The following GPC5 variants were observed in gnomAD, a reference collection of about 807,000 sequenced individuals.
The protein encoded by GPC5 is glypican-5.
In GPC5, 47 loss-of-function variants were observed where a neutral mutation model predicts 53.9. The ratio of observed to expected loss-of-function variants is 0.87; its 90% CI spans 0.69 to 1.11. The LOEUF (loss-of-function observed/expected upper bound fraction) is 1.11. Among genes scored for constraint, GPC5 ranks in the 50% most tolerant of loss-of-function variants. The pLI, the probability that GPC5 is intolerant of heterozygous loss-of-function variation, is 0.00. For missense variants in GPC5, 748 were observed against 713.1 expected, an observed-to-expected ratio of 1.05 and a Z score of -0.56; for synonymous variants, 286 against 263.3, an observed-to-expected ratio of 1.09 and a Z score of -0.84.
intron 2 of GPC5, among the ~76,000 whole-genome samples, chr13:91,587,843 A>G (rs1406380921): frequency 6.6e-6 from 1 of 152,152 alleles, no homozygotes; most frequent in Non-Finnish European, 1.5e-5. Flanking sequence ...TGAAGACTTA[A>G]GCTTGTGTGA....
intron 7 of GPC5, among the ~76,000 whole-genome samples, chr13:92,327,852 T>C (rs2043262663): frequency 6.6e-6 from 1 of 152,166 alleles, no homozygotes; most frequent in South Asian, 2.1e-4. Context: ...AAACACAGCC[T>C]TCTCATTCTT....
chr13:91,573,636 T>G (rs1237253000), intron 2 of GPC5, among the ~76,000 whole-genome samples: 1 of 152,188 alleles, frequency 6.6e-6, no homozygotes, highest in Non-Finnish European at 1.5e-5. Context: ...GTTTTAAACC[T>G]GTAAATTTTA....
intron 7 of GPC5, among the ~76,000 whole-genome samples, chr13:92,608,984 T>C (rs1884347062): frequency 6.6e-6 from 1 of 152,184 alleles, no homozygotes; most frequent in Non-Finnish European, 1.5e-5. Context: ...TTTTCCTGTC[T>C]TGAAAAACTG....
At chr13:91,895,848 T>C (rs1450789628) in intron 5 of GPC5, among the ~76,000 whole-genome samples, 1 of 151,990 alleles carries the variant, frequency 6.6e-6, no homozygotes, top group East Asian at 1.9e-4. Flanking sequence ...AAATCTGAAA[T>C]CAGTGTAATT....
chr13:92,392,799 A>G (rs986767986), intron 7 of GPC5, among the ~76,000 whole-genome samples: 1 of 152,224 alleles, frequency 6.6e-6, no homozygotes, highest in Admixed American at 6.5e-5. Flanking sequence ...ATATAAAAAA[A>G]GCTCAGTATC....
At chr13:91,406,179 C>T (rs529410896) in intron 1 of GPC5, among the ~76,000 whole-genome samples, 148 of 152,302 alleles carry the variant, frequency 9.7e-4, no homozygotes, top group Middle Eastern at 3.4e-3. Context: ...GTATCTGGTG[C>T]ATAGAACAGG....
intron 7 of GPC5, among the ~76,000 whole-genome samples, chr13:92,582,607 G>T (rs1187623371): frequency 6.6e-6 from 1 of 152,084 alleles, no homozygotes; most frequent in Non-Finnish European, 1.5e-5. Flanking sequence ...GCTTTTAACA[G>T]TATTAAGTCT....
At chr13:91,571,908 A>ACACATATACGTGTGTG (rs2031858842) in intron 2 of GPC5, among the ~76,000 whole-genome samples, 1 of 57,914 alleles carries the variant, frequency 1.7e-5, no homozygotes, top group African/African-American at 1.0e-4. Context: ...CACATATTGT[A>ACACATATACGTGTGTG]TATATACACA....
rs1396750473 is a variant in GPC5, at chr13:91,986,918, A to G, written c.1401+78861A>G. Among the ~76,000 whole-genome samples the G allele has an allele frequency of 2.1e-5, 3 of 140,920 alleles. No homozygotes were observed. The South Asian group carries it at 6.4e-4, about 30-fold the overall frequency. 92.4% of individuals were successfully genotyped at this position (140,920 alleles called of 152,430 possible). A position where few individuals can be genotyped will look rare whatever the true frequency, so the allele number is the denominator to read the frequency against. On this transcript the variant is annotated intron_variant, in intron 6 of 7. Transcript: ENST00000377067. Reference sequence around the variant, plus strand: ...CCAATGGATTCTTGTGTAGATAGTTACAAGGTGACTGTGGCTGAATGCTTC... The same window carrying G: ...CCAATGGATTCTTGTGTAGATAGTTGCAAGGTGACTGTGGCTGAATGCTTC...
At chr13:92,599,779 G>A (rs573759784) in intron 7 of GPC5, among the ~76,000 whole-genome samples, 1 of 149,256 alleles carries the variant, frequency 6.7e-6, no homozygotes, top group African/African-American at 2.5e-5. Context: ...AATTTTCCTG[G>A]ATTAAGAGAG....
intron 7 of GPC5, among the ~76,000 whole-genome samples, chr13:92,410,348 A>G (rs1335472170): frequency 6.6e-6 from 1 of 152,196 alleles, no homozygotes; most frequent in African/African-American, 2.4e-5. Context: ...TACATTTTAG[A>G]TAATTAATCT....
At chr13:92,047,616 T>G (rs558840704) in intron 6 of GPC5, among the ~76,000 whole-genome samples, 1 of 151,524 alleles carries the variant, frequency 6.6e-6, no homozygotes, top group African/African-American at 2.4e-5. Context: ...TATTTTGCAG[T>G]AGTTTTATTT....
chr13:92,752,530 G>A (rs908474956), intron 7 of GPC5, among the ~76,000 whole-genome samples: 6 of 152,170 alleles, frequency 3.9e-5, no homozygotes, highest in South Asian at 2.1e-4. Flanking sequence ...AGCTCCCAGC[G>A]TGAGCGACGC....
At chr13:91,421,315 A>G (rs1878614076) in intron 1 of GPC5, among the ~76,000 whole-genome samples, 1 of 152,188 alleles carries the variant, frequency 6.6e-6, no homozygotes, top group Non-Finnish European at 1.5e-5. Context: ...TCTTTTAACA[A>G]TTGTATACTG....
At chr13:92,820,523 G>A (rs1877638303) in intron 7 of GPC5, among the ~76,000 whole-genome samples, 1 of 151,972 alleles carries the variant, frequency 6.6e-6, no homozygotes, top group Admixed American at 6.6e-5. Context: ...TCCTTTAGTT[G>A]TCTGCCATTA....
intron 7 of GPC5, among the ~76,000 whole-genome samples, chr13:92,775,234 A>G (rs1313550941): frequency 1.3e-5 from 2 of 152,226 alleles, no homozygotes; most frequent in African/African-American, 4.8e-5. Context: ...TTCAGGAAAT[A>G]ATGGCATTTC....
intron 7 of GPC5, among the ~76,000 whole-genome samples, chr13:92,366,562 T>A (rs1476893440): frequency 6.6e-6 from 1 of 152,014 alleles, no homozygotes; most frequent in Non-Finnish European, 1.5e-5. Flanking sequence ...TGTTAAAACA[T>A]CTTTTAAGGG....
intron 3 of GPC5, among the ~76,000 whole-genome samples, chr13:91,702,670 T>G (rs2139862403): frequency 6.6e-6 from 1 of 152,212 alleles, no homozygotes; most frequent in African/African-American, 2.4e-5. Flanking sequence ...TCTATTTCTG[T>G]GAAAAATTTC....
Position 91,977,956 on chromosome 13 carries a change from AAAGAAAG to A in GPC5, c.1401+69902_1401+69908del, listed in dbSNP as rs753896019. Among the ~76,000 whole-genome samples the A allele has an allele frequency of 3.6e-3, 490 of 137,426 alleles. 5 individuals carry two copies. The highest frequency in any genetic ancestry group is 4.9e-3 in the Non-Finnish European group (326 of 66,824). 90.2% of individuals were successfully genotyped at this position (137,426 alleles called of 152,430 possible). On this transcript the variant is annotated intron_variant, in intron 6 of 7. Transcript: ENST00000377067. The stretch of plus-strand genomic sequence containing the variant: ...ACGAGACCGCCATCTCTAAAAGAAA[AAAGAAAG>A]AAAGAAAGAAAGAAAGAAAGAAAAG...
Sources: allele counts gnomAD v4.1 joint callset (sites outside exome capture counted in the v4.1 genomes callset), GRCh38; gene constraint gnomAD v4.1.1; transcripts MANE v1.5; gene names NCBI Gene and HGNC (gene_info 2026-07-23, HGNC 2026-07-21).